EVL: variants seen among roughly 807,000 people sequenced by gnomAD.
The protein encoded by EVL is Enah/Vasp-like.
A neutral mutation model predicts 59.6 loss-of-function variants in EVL; 21 were observed. The observed-to-expected ratio is 0.35, with a 90% CI of 0.25 to 0.51. The LOEUF is 0.51. Among genes scored for constraint, EVL ranks in the 20% least tolerant of loss-of-function variants. The probability of loss-of-function intolerance (pLI) is 0.97; values close to 1 mark genes in which losing one functional copy is unlikely to be tolerated. For missense variants in EVL, 462 were observed against 546.6 expected, an observed-to-expected ratio of 0.85 and a Z score of 1.54; for synonymous variants, 198 against 203.5, an observed-to-expected ratio of 0.97 and a Z score of 0.23.
At chr14:100,067,402 CTT>C (rs1407080985) in intron 1 of EVL, among the ~76,000 whole-genome samples, 15 of 152,326 alleles carry the variant, frequency 9.8e-5, no homozygotes, top group African/African-American at 3.4e-4. Flanking sequence ...TGGGAATTCT[CTT>C]GAGTGCATGA....
At chr14:99,986,704 A>T (rs1232362753) in intron 1 of EVL, among the ~76,000 whole-genome samples, 1 of 152,224 alleles carries the variant, frequency 6.6e-6, no homozygotes, top group Non-Finnish European at 1.5e-5. Flanking sequence ...AGTTCCAAGG[A>T]GATAGAGCAT....
chr14:100,065,329 G>C, upstream of EVL: 1 of 547,008 alleles, frequency 1.8e-6, no homozygotes, highest in South Asian at 8.5e-5. Context: ...TTTTTCACTT[G>C]GGTTTGTTTC....
chr14:100,000,804 AT>A (rs2060941788), intron 1 of EVL, among the ~76,000 whole-genome samples: 1 of 151,914 alleles, frequency 6.6e-6, no homozygotes, highest in South Asian at 2.1e-4. Flanking sequence ...CCCAAGATTT[AT>A]TTTTCTTTCA....
chr14:100,132,879 G>T (rs1888526618), intron 8 of EVL, 100 bp downstream of exon 8: 1 of 1,310,752 alleles, frequency 7.6e-7, no homozygotes, highest in Non-Finnish European at 1.1e-6. Context: ...GACATGCGTG[G>T]GATGGGCGCT....
rs79196044 is a variant in EVL at position 100,090,406 on chromosome 14, C to T, written c.180+5551C>T. Among the ~76,000 whole-genome samples the T allele has an allele frequency of 6.9e-3, 1,046 of 152,268 alleles. 11 individuals are homozygous for T. The highest frequency in any genetic ancestry group is 0.024 in the African/African-American group (998 of 41,554). On this transcript the variant is annotated intron_variant, in intron 2 of 13. Transcript: ENST00000392920. The stretch of plus-strand genomic sequence containing the variant: ...CAATGCCAGTCTTACATTACTCCTT[C>T]GGAGATGAGAGAAACAAAGCCTGCT...
intron 1 of EVL, among the ~76,000 whole-genome samples, chr14:99,984,093 G>C (rs2060825401): frequency 6.6e-6 from 1 of 152,158 alleles, no homozygotes; most frequent in South Asian, 2.1e-4. Flanking sequence ...ATTCATCCCA[G>C]TTTGGCATGG....
intron 4 of EVL, among the ~76,000 whole-genome samples, chr14:100,124,135 A>G (rs1166694142): frequency 2.6e-5 from 4 of 152,340 alleles, no homozygotes; most frequent in African/African-American, 9.6e-5. Context: ...CCAAGGTCAC[A>G]TTGCTCTGAA....
chr14:100,008,330 A>T (rs930815613), intron 1 of EVL, among the ~76,000 whole-genome samples: 1 of 152,184 alleles, frequency 6.6e-6, no homozygotes, highest in South Asian at 2.1e-4. Context: ...AAATCAGGAC[A>T]CTTCAGTTCT....
At chr14:100,072,018 C>G (rs1485880174) in intron 1 of EVL, among the ~76,000 whole-genome samples, 1 of 152,178 alleles carries the variant, frequency 6.6e-6, no homozygotes, top group Non-Finnish European at 1.5e-5. Context: ...CATTGGAGAT[C>G]TGGCAGTCAC....
chr14:100,143,554 G>A, intron 13 of EVL, 147 bp from the exon 14 acceptor site: 1 of 918,840 alleles, frequency 1.1e-6, no homozygotes. Context: ...TCACCCCAGA[G>A]GTCTATGCCA....
rs968865472 is a variant in EVL, at chr14:100,050,573, G to A, written c.6-34114G>A. Among the ~76,000 whole-genome samples the A allele has an allele frequency of 5.9e-5, 9 of 151,846 alleles. No individual in the cohort carries two copies. The South Asian group carries it at 8.3e-4, about 14-fold the overall frequency. On this transcript the variant is annotated intron_variant, in intron 1 of 13. Transcript: ENST00000402714. ...ACCGTGGTCTCGATCTCCTGACCTC[G>A]TGATCCACCCGCCTCAGCCTCCCAA...
In EVL at chr14:100,084,552, C is replaced by G. The variant is rs779301971; in HGVS notation, c.12-135C>G. On this transcript the variant is annotated intron_variant, in intron 1 of 13. Transcript: ENST00000392920. ...TCATCACCTCACCAGGCAGTTCTTC[C>G]ATAGATGTTGGAAGTTCTGGCAATT... 4.5e-6 allele frequency: 4 copies of G among 884,702 alleles called. 1 individual carries two copies. Among genetic ancestry groups the G allele is most frequent in the Non-Finnish European group, 6.8e-6 (4 of 589,048 alleles). 54.8% of individuals were successfully genotyped at this position (884,702 alleles called of 1,614,324 possible). A position where few individuals can be genotyped will look rare whatever the true frequency, so the allele number is the denominator to read the frequency against.
At chr14:99,971,919 C>T (rs1338202365) in exon 1 of EVL, 2 of 147,302 alleles carry the variant, frequency 1.4e-5, no homozygotes, top group Admixed American at 6.8e-5. Context: ...CGCTGCCCCC[C>T]GCAGCCCAGT....
intron 1 of EVL, among the ~76,000 whole-genome samples, chr14:100,066,724 A>G (rs202081227): frequency 3.3e-5 from 5 of 152,236 alleles, no homozygotes; most frequent in Admixed American, 1.3e-4. Context: ...TACCGTGTCA[A>G]TTACTAATTG....
chr14:100,128,095 C>G (rs908087285), intron 5 of EVL, among the ~76,000 whole-genome samples: 1 of 152,224 alleles, frequency 6.6e-6, no homozygotes, highest in African/African-American at 2.4e-5. Flanking sequence ...CGGCCCCCAA[C>G]GACCCAAGTG....
At chr14:100,112,848 C>T (rs1050413573) in intron 3 of EVL, among the ~76,000 whole-genome samples, 1 of 152,270 alleles carries the variant, frequency 6.6e-6, no homozygotes, top group South Asian at 2.1e-4. Context: ...TTGTAAGTTC[C>T]AGGGGAGCAG....
chr14:100,142,271 T>G (rs1428715360), intron 13 of EVL: 2 of 150,274 alleles, frequency 1.3e-5, no homozygotes, highest in Non-Finnish European at 2.9e-5. Flanking sequence ...CTTCCAGGCT[T>G]GAGCTCGTTC....
chr14:99,982,101 A>G (rs1285630387), intron 1 of EVL, among the ~76,000 whole-genome samples: 1 of 152,226 alleles, frequency 6.6e-6, no homozygotes, highest in Non-Finnish European at 1.5e-5. Flanking sequence ...AAAGAAGACA[A>G]TACAGATAAG....
chr14:100,061,061 A>C (rs545459917), upstream of EVL, among the ~76,000 whole-genome samples: 1 of 152,026 alleles, frequency 6.6e-6, no homozygotes, highest in Non-Finnish European at 1.5e-5. Context: ...AAAGAAAACT[A>C]AGAGAATGTA....
Sources: gnomAD v4.1 joint callset for allele counts (sites outside exome capture counted in the v4.1 genomes callset) on GRCh38, gnomAD v4.1.1 for gene constraint, MANE v1.5 for transcripts, NCBI Gene and HGNC (gene_info 2026-07-23, HGNC 2026-07-21) for gene names.